Variants in NOTCH2NLC observed in about 807,000 individuals in gnomAD.
NOTCH2NLC encodes the protein notch homolog 2 N-terminal-like protein C.
A neutral mutation model predicts 17.7 loss-of-function variants in NOTCH2NLC; 4 were observed. That is an observed-to-expected ratio of 0.23 (90% CI 0.11 to 0.52). NOTCH2NLC has a LOEUF of 0.52. Ranked by LOEUF, NOTCH2NLC falls within the 20% of genes least tolerant of loss-of-function variation. The pLI is 0.96. For missense variants in NOTCH2NLC, 57 were observed against 207.2 expected (o/e 0.28, Z 4.45); for synonymous variants, 18 against 86.0 (o/e 0.21, Z 4.38).
chr1:149,390,626 C>T lies in NOTCH2NLC; in HGVS notation c.-162C>T. On this transcript the variant is annotated 5_prime_UTR_variant, in exon 1 of 5. Transcript: ENST00000650865. Reference sequence around the variant, plus strand: ...CACACCCGAGAAAGTTTCAGCCAAACTTCGGGCGGCGGCTGAGGCGGCGGC... The same window carrying T: ...CACACCCGAGAAAGTTTCAGCCAAATTTCGGGCGGCGGCTGAGGCGGCGGC... 1 of 1,099,262 alleles carries T rather than the reference C, an allele frequency of 9.1e-7. No homozygotes were observed. Among genetic ancestry groups the T allele is most frequent in the Non-Finnish European group, 1.1e-6 (1 of 871,476 alleles). 68.1% of individuals were successfully genotyped at this position (1,099,262 alleles called of 1,614,324 possible).
At chr1:149,426,777 TTAA>T (rs2084415428) in intron 1 of NOTCH2NLC, among the ~76,000 whole-genome samples, 2 of 146,720 alleles carry the variant, frequency 1.4e-5, no homozygotes, top group African/African-American at 5.0e-5. Flanking sequence ...TATGGTATGA[TTAA>T]TGTTTCTTTT....
chr1:149,466,068 C>A lies in NOTCH2NLC; in HGVS notation c.*1915C>A, dbSNP rs1266827796. ...AGGCAGTTTATTTTCAAAGCCTTTG[C>A]TTTGTGCATCTTACTGCGCCACATT... is the stretch of plus-strand genomic sequence containing the variant. On this transcript the variant is annotated 3_prime_UTR_variant, in exon 5 of 5. Coordinates refer to ENST00000650865, the MANE Select transcript of NOTCH2NLC (RefSeq NM_001364013.2). 1.6e-5 allele frequency: 1 copy of A among 63,876 alleles called. No homozygotes were observed. Among genetic ancestry groups the A allele is most frequent in the Non-Finnish European group, 3.1e-5 (1 of 32,698 alleles). The allele number at this position is 63,876 out of a possible 1,614,324, so 4.0% of individuals were successfully genotyped here. A position where few individuals can be genotyped will look rare whatever the true frequency, so the allele number is the denominator to read the frequency against.
chr1:149,398,231 T>C (rs1359354040), intron 1 of NOTCH2NLC, among the ~76,000 whole-genome samples: 1 of 150,708 alleles, frequency 6.6e-6, no homozygotes, highest in African/African-American at 2.4e-5. Context: ...TTTAGAAGTA[T>C]TAGAACTTGG....
At position 149,470,277 on chromosome 1, in the gene NOTCH2NLC, A is replaced by G. The variant is rs1438992818; in HGVS notation, c.*6124A>G. On this transcript the variant is annotated 3_prime_UTR_variant, in exon 5 of 5. Coordinates refer to ENST00000650865, the MANE Select transcript of NOTCH2NLC (RefSeq NM_001364013.2). ...CACTGACAAATAATAATATTAGCTAATATGTGTAAGGCACTGTGTTTAGTG... is the reference window on the plus strand; with the variant it reads ...CACTGACAAATAATAATATTAGCTAGTATGTGTAAGGCACTGTGTTTAGTG... 6.6e-6 allele frequency among the ~76,000 whole-genome samples: 1 copy of G among 151,220 alleles called. No homozygotes were observed. Among genetic ancestry groups the G allele is most frequent in the Non-Finnish European group, 1.5e-5 (1 of 67,584 alleles).
chr1:149,402,279 C>T (rs2084250802), intron 1 of NOTCH2NLC, among the ~76,000 whole-genome samples: 1 of 150,708 alleles, frequency 6.6e-6, no homozygotes, highest in South Asian at 2.1e-4. Flanking sequence ...CGGGGTTTCT[C>T]TATGTTGGGC....
intron 1 of NOTCH2NLC, among the ~76,000 whole-genome samples, chr1:149,394,382 T>C (rs1233128613): frequency 2.0e-5 from 3 of 151,336 alleles, no homozygotes; most frequent in African/African-American, 4.9e-5. Context: ...TTCCAGTGTT[T>C]AACACTTCTG....
intron 2 of NOTCH2NLC, among the ~76,000 whole-genome samples, chr1:149,449,279 T>C (rs1428350384): frequency 6.6e-6 from 1 of 150,740 alleles, no homozygotes; most frequent in Non-Finnish European, 1.5e-5. Context: ...AGACAATAGC[T>C]ATCAAATGCT....
rs1353863605 is a variant in NOTCH2NLC, at chr1:149,394,781, C to T, written c.135+3859C>T. The stretch of plus-strand genomic sequence containing the variant: ...TTGAACTATTAATTTTCCTTCCACC[C>T]TTTCCTGATTTTCCTGTTTTTGTTT... On this transcript the variant is annotated intron_variant, in intron 1 of 4. Transcript: ENST00000650865. Among the ~76,000 whole-genome samples, 21 of 151,136 alleles carry T rather than the reference C, an allele frequency of 1.4e-4. 2 individuals carry two copies. The East Asian group carries it at 3.9e-3, about 28-fold the overall frequency.
intron 2 of NOTCH2NLC, among the ~76,000 whole-genome samples, chr1:149,445,901 T>TAAAA (rs1182076544): frequency 2.8e-5 from 2 of 72,596 alleles, no homozygotes; most frequent in African/African-American, 5.4e-5. Flanking sequence ...ATCCTCGTTT[T>TAAAA]AAAAAAAAAA....
chr1:149,462,262 C>A (rs1287153382), intron 3 of NOTCH2NLC, among the ~76,000 whole-genome samples: 2 of 138,156 alleles, frequency 1.4e-5, no homozygotes, highest in African/African-American at 5.3e-5. Context: ...ATTTTTTTCT[C>A]TTTCTCTTTC....
chr1:149,415,049 G>T (rs2084327528), intron 1 of NOTCH2NLC, among the ~76,000 whole-genome samples: 1 of 101,844 alleles, frequency 9.8e-6, no homozygotes, highest in Non-Finnish European at 2.0e-5. Context: ...CTTGTTTGAA[G>T]TTATTAAGCC....
intron 1 of NOTCH2NLC, among the ~76,000 whole-genome samples, chr1:149,396,032 G>A (rs1307963663): frequency 3.0e-4 from 46 of 151,360 alleles, no homozygotes; most frequent in African/African-American, 1.1e-3. Context: ...CAACTGAGCG[G>A]CAGGTCTTAG....
intron 1 of NOTCH2NLC, among the ~76,000 whole-genome samples, chr1:149,417,151 C>G (rs1395913080): frequency 1.5e-5 from 2 of 134,716 alleles, no homozygotes; most frequent in African/African-American, 2.7e-5. Context: ...GCTCTTTCGC[C>G]CAGGCTGGAG....
intron 1 of NOTCH2NLC, among the ~76,000 whole-genome samples, chr1:149,419,283 G>A (rs2084365151): frequency 2.0e-5 from 3 of 150,884 alleles, no homozygotes; most frequent in Admixed American, 6.6e-5. Flanking sequence ...AACAAAGAAA[G>A]CCTTTATCAA....
intron 1 of NOTCH2NLC, among the ~76,000 whole-genome samples, 169 bp downstream of exon 1, chr1:149,391,091 C>G (rs1456001739): frequency 1.3e-5 from 1 of 75,010 alleles, no homozygotes; most frequent in East Asian, 4.2e-4. Flanking sequence ...GGGGCCCCTC[C>G]CGTGGTGCCC....
intron 2 of NOTCH2NLC, among the ~76,000 whole-genome samples, chr1:149,433,841 G>A (rs1320618690): frequency 1.3e-4 from 20 of 150,576 alleles, no homozygotes; most frequent in Admixed American, 4.0e-4. Flanking sequence ...CCAGTTACTC[G>A]GGAGGCTGAG....
At chr1:149,444,964 A>G (rs1222023063) in intron 2 of NOTCH2NLC, among the ~76,000 whole-genome samples, 3,521 of 147,420 alleles carry the variant, frequency 0.024, 122 homozygotes, top group African/African-American at 0.077. Flanking sequence ...TTATTTGAGA[A>G]AAGGGGGGGT....
rs1402165165 is a variant in NOTCH2NLC at position 149,467,338 on chromosome 1, A to T, written c.*3185A>T. The T allele has an allele frequency of 7.2e-6, 1 of 138,916 alleles. No homozygotes were observed. Among genetic ancestry groups the T allele is most frequent in the Admixed American group, 7.6e-5 (1 of 13,150 alleles). The allele number at this position is 138,916 out of a possible 1,614,324, so 8.6% of individuals were successfully genotyped here. A position where few individuals can be genotyped will look rare whatever the true frequency, so the allele number is the denominator to read the frequency against. ...ACTATATTTAAATGGTTAATTTACA[A>T]TTTTTTCCCTGCAAAGGATACTGTA... On this transcript the variant is annotated 3_prime_UTR_variant, in exon 5 of 5. Transcript: ENST00000650865.
chr1:149,468,958 C>CTTTTTT lies in NOTCH2NLC; in HGVS notation c.*4824_*4829dup, dbSNP rs1175539238. 2.4e-3 allele frequency among the ~76,000 whole-genome samples: 129 copies of CTTTTTT among 53,418 alleles called. No homozygotes were observed. Among genetic ancestry groups the CTTTTTT allele is most frequent in the South Asian group, 4.9e-3 (7 of 1,430 alleles). 35.0% of individuals were successfully genotyped at this position (53,418 alleles called of 152,430 possible). A position where few individuals can be genotyped will look rare whatever the true frequency, so the allele number is the denominator to read the frequency against. On this transcript the variant is annotated 3_prime_UTR_variant, in exon 5 of 5. Coordinates refer to ENST00000650865, the MANE Select transcript of NOTCH2NLC (RefSeq NM_001364013.2). ...GGCATGTGTCATTTTCTTTTCTTTT[C>CTTTTTT]TTTTTTTTTTTTTTTTTTTTTTTTG... is the stretch of plus-strand genomic sequence containing the variant.
Sources: gnomAD v4.1 joint callset for allele counts (sites outside exome capture counted in the v4.1 genomes callset) on GRCh38, gnomAD v4.1.1 for gene constraint, MANE v1.5 for transcripts, NCBI Gene and HGNC (gene_info 2026-07-23, HGNC 2026-07-21) for gene names.